Variants in USP53 observed in about 807,000 individuals in gnomAD.
The protein encoded by USP53 is ubiquitin carboxyl-terminal hydrolase 53.
USP53 carries 71 observed loss-of-function variants against 94.9 expected under a neutral mutation model. That is an observed-to-expected ratio of 0.75 (90% CI 0.62 to 0.91). USP53 has a LOEUF of 0.91. Ranked by LOEUF, USP53 falls within the 40% of genes least tolerant of loss-of-function variation. USP53 has a pLI of 0.00. For missense variants in USP53, 1,173 were observed against 1,281.0 expected (o/e 0.92, Z 1.29); for synonymous variants, 375 against 422.7 (o/e 0.89, Z 1.39).
intron 1 of USP53, among the ~76,000 whole-genome samples, chr4:119,213,660 A>ATATATATGTGTGTGTGTGTGTGTG: frequency 1.7e-5 from 2 of 117,786 alleles, no homozygotes; most frequent in South Asian, 2.9e-4. Flanking sequence ...ATATATATAT[A>ATATATATGTGTGTGTGTGTGTGTG]TGTGTGTGTG....
chr4:119,243,405 C>A (rs1471667185), intron 5 of USP53, among the ~76,000 whole-genome samples: 2 of 151,816 alleles, frequency 1.3e-5, no homozygotes, highest in Non-Finnish European at 2.9e-5. Context: ...GGCTGAGACA[C>A]AAGAATTGCT....
chr4:119,227,969 A>G (rs1745549157), intron 3 of USP53, among the ~76,000 whole-genome samples: 1 of 152,248 alleles, frequency 6.6e-6, no homozygotes, highest in Non-Finnish European at 1.5e-5. Context: ...GAGAAATTCT[A>G]GAGAAGTTGA....
At chr4:119,241,613 T>A (rs528103243) in intron 5 of USP53, among the ~76,000 whole-genome samples, 35 of 152,190 alleles carry the variant, frequency 2.3e-4, no homozygotes, top group Non-Finnish European at 4.1e-4. Flanking sequence ...GTATGTAATT[T>A]GTTCTTTTTC....
At chr4:119,259,425 A>T (rs1750195503) in intron 9 of USP53, among the ~76,000 whole-genome samples, 1 of 152,166 alleles carries the variant, frequency 6.6e-6, no homozygotes, top group African/African-American at 2.4e-5. Flanking sequence ...GCTCCTAGGA[A>T]CTTTGGGCTA....
intron 4 of USP53, among the ~76,000 whole-genome samples, chr4:119,236,964 G>A (rs942583909): frequency 1.3e-5 from 2 of 152,172 alleles, no homozygotes; most frequent in African/African-American, 4.8e-5. Context: ...TGTGGCAGCT[G>A]TGGCCTTATG....
chr4:119,295,188 C>T lies in USP53; in HGVS notation c.*1977C>T, dbSNP rs1755142803. ...ATCAAATAGAAATGTCCAGTTTTGC[C>T]TCTTTTAAGTACTGTCCAGTTGAAA... On this transcript the variant is annotated 3_prime_UTR_variant, in exon 19 of 19. Coordinates refer to ENST00000692078, the MANE Select transcript of USP53 (RefSeq NM_001371395.1). The T allele has an allele frequency of 1.3e-5, 2 of 152,114 alleles. No homozygotes were observed. The highest frequency in any genetic ancestry group is 2.9e-5 in the Non-Finnish European group (2 of 67,996). The allele number at this position is 152,114 out of a possible 1,614,324, so 9.4% of individuals were successfully genotyped here.
chr4:119,229,655 CCT>C (rs1202668708), intron 3 of USP53, among the ~76,000 whole-genome samples: 1 of 151,992 alleles, frequency 6.6e-6, no homozygotes, highest in Non-Finnish European at 1.5e-5. Context: ...ATATTCATCC[CCT>C]GTTTATGCTA....
intron 17 of USP53, among the ~76,000 whole-genome samples, chr4:119,290,781 TAGTG>T (rs1335900282): frequency 1.3e-5 from 2 of 152,160 alleles, no homozygotes; most frequent in Non-Finnish European, 2.9e-5. Context: ...TACCCATAAT[TAGTG>T]AGTCCAAACT....
At chr4:119,270,193 C>G (rs1464054997) in intron 15 of USP53, among the ~76,000 whole-genome samples, 1 of 151,576 alleles carries the variant, frequency 6.6e-6, no homozygotes, top group Admixed American at 6.6e-5. Context: ...CTCCTGGGTT[C>G]AAGCTCTCCT....
intron 12 of USP53, among the ~76,000 whole-genome samples, chr4:119,262,108 A>G (rs1296743900): frequency 1.6e-4 from 24 of 152,338 alleles, no homozygotes; most frequent in Non-Finnish European, 4.4e-5. Flanking sequence ...AATGAATATT[A>G]GTATACAAAT....
At chr4:119,221,407 C>T (rs1335885370) in intron 3 of USP53, 2 of 150,830 alleles carry the variant, frequency 1.3e-5, no homozygotes, top group African/African-American at 4.9e-5. Flanking sequence ...ACACTCCAGC[C>T]TGGGTGACAG....
chr4:119,213,429 G>T (rs1392129386), intron 1 of USP53, among the ~76,000 whole-genome samples: 1 of 151,924 alleles, frequency 6.6e-6, no homozygotes, highest in South Asian at 2.1e-4. Context: ...CTAAAGGGCG[G>T]CTTACGGGGC....
intron 3 of USP53, among the ~76,000 whole-genome samples, chr4:119,228,224 G>T (rs1745577674): frequency 6.6e-6 from 1 of 152,164 alleles, no homozygotes; most frequent in Non-Finnish European, 1.5e-5. Flanking sequence ...CTGCTTCTGG[G>T]TTCATTCAGG....
chr4:119,212,680 C>T, upstream of USP53: 3 of 346,128 alleles, frequency 8.7e-6, no homozygotes, highest in South Asian at 4.3e-5. Flanking sequence ...CAGGGTCGGG[C>T]TCTGGGCGGC....
chr4:119,214,745 C>T (rs1424219568), intron 2 of USP53, among the ~76,000 whole-genome samples: 8 of 151,860 alleles, frequency 5.3e-5, no homozygotes, highest in Admixed American at 5.2e-4. Context: ...ACTTTGGTAC[C>T]ATATGGTTTA....
Position 119,271,747 on chromosome 4 carries a change from A to G in USP53, c.1887A>G (p.Pro629=). ...SSKDPSFSNW[P]KENPKQKGLM... The stretch of plus-strand genomic sequence containing the variant: ...AGGATCCGAGTTTTAGTAATTGGCC[A>G]AAAGAGAATCCAAAGCAAAAAGGTT... The change falls in exon 16 of 19, where the codon CCA becomes CCG. Residue 629 remains proline (P), a synonymous_variant. Coordinates refer to ENST00000692078, the MANE Select transcript of USP53 (RefSeq NM_001371395.1). The G allele has an allele frequency of 6.2e-7, 1 of 1,614,082 alleles. No individual in the cohort carries two copies. Among genetic ancestry groups the G allele is most frequent in the South Asian group, 1.1e-5 (1 of 91,036 alleles).
In USP53 at chr4:119,292,367, T is replaced by G; in HGVS notation, c.2378T>G (p.Leu793Ter). 1 of 1,606,590 alleles carries G rather than the reference T, an allele frequency of 6.2e-7. No homozygotes were observed. Among genetic ancestry groups the G allele is most frequent in the East Asian group, 2.2e-5 (1 of 44,820 alleles). The change falls in exon 19 of 19, where the codon TTA becomes TGA. Residue 793 changes from leucine to a stop codon, truncating the protein, a stop_gained. Coordinates refer to ENST00000692078, the MANE Select transcript of USP53 (RefSeq NM_001371395.1). LOFTEE classifies it low-confidence loss of function (END_TRUNC). ...RSHVHEDNGK[L>*]FPSSSLQIPK... is the part of the protein sequence containing the mutation. Reference sequence around the variant, plus strand: ...CATGTACATGAAGACAATGGAAAGTTATTTCCTTCATCCAGTCTACAAATA... The same window carrying G: ...CATGTACATGAAGACAATGGAAAGTGATTTCCTTCATCCAGTCTACAAATA...
In USP53 at chr4:119,268,360, A is replaced by G. The variant is rs750497479; in HGVS notation, c.1228A>G (p.Thr410Ala). 1.6e-5 allele frequency: 26 copies of G among 1,613,918 alleles called. No individual in the cohort carries two copies. Among genetic ancestry groups the G allele is most frequent in the East Asian group, 2.2e-5 (1 of 44,878 alleles). Residue 410 changes from threonine (T) to alanine (A), a missense_variant, in exon 14 of 19, where the codon ACT becomes GCT. Transcript: ENST00000692078. ...AKQRENQKFP[T>A]DNISSSNRSH... The stretch of plus-strand genomic sequence containing the variant: ...GCAGAGAGAAAATCAGAAATTTCCA[A>G]CTGATAATATTTCATCATCTAATCG...
rs1268785858 is a variant in USP53 at position 119,271,938 on chromosome 4, A to G, written c.2078A>G (p.His693Arg). The change falls in exon 16 of 19, where the codon CAC (histidine) becomes CGC (arginine). Residue 693 changes from histidine (H) to arginine (R), a missense_variant. Physicochemically the swap from His to Arg is conservative, Grantham distance 29 (BLOSUM62 0). Coordinates refer to ENST00000692078, the MANE Select transcript of USP53 (RefSeq NM_001371395.1). ...GAGTCTGGATATGAAAGCAGTGATC[A>G]CATCAGTAATGGTTCTACTAATTTG... The part of the protein sequence containing the change: ...RTESGYESSD[H>R]ISNGSTNLDS... 2.5e-6 allele frequency: 4 copies of G among 1,614,048 alleles called. No individual in the cohort carries two copies. In the Admixed American group the frequency reaches 6.7e-5, roughly 27 times the overall value.
Sources: gnomAD v4.1 joint callset for allele counts (sites outside exome capture counted in the v4.1 genomes callset) on GRCh38, gnomAD v4.1.1 for gene constraint, MANE v1.5 for transcripts, NCBI Gene and HGNC (gene_info 2026-07-23, HGNC 2026-07-21) for gene names.